The following PDK1 variants were observed in gnomAD, a reference collection of about 807,000 sequenced individuals.
The protein encoded by PDK1 is [Pyruvate dehydrogenase (acetyl-transferring)] kinase isozyme 1, mitochondrial.
Under a neutral mutation model 54.2 loss-of-function variants are expected in PDK1, and 39 were observed. The ratio of observed to expected loss-of-function variants is 0.72; its 90% confidence interval spans 0.56 to 0.94. The LOEUF is 0.94. PDK1 is among the 40% of genes least tolerant of loss of function. PDK1 has a pLI of 0.00. For synonymous variants in PDK1, 221 were observed against 207.1 expected (o/e 1.07, Z -0.58); for missense variants, 552 against 566.0 (o/e 0.98, Z 0.25).
rs1691043489 is a variant in PDK1 at position 172,599,584 on chromosome 2, A to G, written c.*3615A>G. 6.6e-6 allele frequency: 1 copy of G among 152,184 alleles called. No individual in the cohort carries two copies. Among genetic ancestry groups the G allele is most frequent in the South Asian group, 2.1e-4 (1 of 4,826 alleles). The allele number at this position is 152,184 out of a possible 1,614,324, so 9.4% of individuals were successfully genotyped here. A position where few individuals can be genotyped will look rare whatever the true frequency, so the allele number is the denominator to read the frequency against. ...AATTAATTTTCTTACAGTCAAACCC[A>G]ATGCACTTGAAAAATAATATAATTA... On this transcript the variant is annotated 3_prime_UTR_variant, in exon 11 of 11. Transcript: ENST00000282077.
In PDK1 at chr2:172,592,878, GA is replaced by G. The variant is rs889378635; in HGVS notation, c.1057-53del. ...TACTCAATGGCATCTATCTTAATTA[GA>G]AAAGTATTTCAGTGTGTGTCTTTCT... is the stretch of plus-strand genomic sequence containing the variant. On this transcript the variant is annotated intron_variant, in intron 9 of 10. Transcript: ENST00000282077. The G allele has an allele frequency of 1.4e-4, 128 of 929,598 alleles. No homozygotes were observed. The African/African-American group carries it at 1.9e-3, about 14-fold the overall frequency. 57.6% of individuals were successfully genotyped at this position (929,598 alleles called of 1,614,324 possible).
At chr2:172,591,331 C>T (rs748065326) in intron 9 of PDK1, among the ~76,000 whole-genome samples, 5 of 152,152 alleles carry the variant, frequency 3.3e-5, no homozygotes, top group Non-Finnish European at 4.4e-5. Flanking sequence ...TTCCTGTAAA[C>T]GCCGGGCGGC....
chr2:172,639,681 T>C, the PDK1 span, among the ~76,000 whole-genome samples: 1 of 152,194 alleles, frequency 6.6e-6, no homozygotes, highest in South Asian at 2.1e-4. Context: ...TTTTGAGGCT[T>C]GGTCTGCAGT....
rs1648124299 is a variant in PDK1, at chr2:172,556,150, C to A, written c.-1C>A. 2 of 1,413,306 alleles carry A rather than the reference C, an allele frequency of 1.4e-6. No individual in the cohort carries two copies. The allele number at this position is 1,413,306 out of a possible 1,614,324, so 87.5% of individuals were successfully genotyped here. ...CTGTGGCTTCTCTAGCGGGACTCGG[C>A]ATGAGGCTGGCGCGGCTGCTTCGCG... On this transcript the variant is annotated 5_prime_UTR_variant, in exon 1 of 11. Coordinates refer to ENST00000282077, the MANE Select transcript of PDK1 (RefSeq NM_002610.5).
At chr2:172,702,753 T>C in the PDK1 span, among the ~76,000 whole-genome samples, 1 of 152,144 alleles carries the variant, frequency 6.6e-6, no homozygotes, top group Non-Finnish European at 1.5e-5. Flanking sequence ...TTAAAAAAAT[T>C]GTATTCAGCT....
chr2:172,684,947 G>T, the PDK1 span, among the ~76,000 whole-genome samples: 1 of 152,130 alleles, frequency 6.6e-6, no homozygotes, highest in African/African-American at 2.4e-5. Flanking sequence ...GTGATGGGGC[G>T]CTTTCCCTCA....
At chr2:172,721,775 G>T in the PDK1 span, among the ~76,000 whole-genome samples, 1 of 152,200 alleles carries the variant, frequency 6.6e-6, no homozygotes, top group Non-Finnish European at 1.5e-5. Flanking sequence ...CTAGGAAAAG[G>T]CCAGGCAATA....
At chr2:172,646,505 C>A in the PDK1 span, among the ~76,000 whole-genome samples, 5 of 149,892 alleles carry the variant, frequency 3.3e-5, no homozygotes, top group Non-Finnish European at 5.9e-5. Context: ...ACATCGAAGG[C>A]AAAAAAAAAG....
the PDK1 span, among the ~76,000 whole-genome samples, chr2:172,722,546 T>A: frequency 6.6e-6 from 1 of 152,350 alleles, no homozygotes; most frequent in Non-Finnish European, 1.5e-5. Context: ...TTTCATCTGA[T>A]GTATTGACTC....
the PDK1 span, among the ~76,000 whole-genome samples, chr2:172,645,524 G>T: frequency 6.6e-6 from 1 of 152,142 alleles, no homozygotes; most frequent in Non-Finnish European, 1.5e-5. Context: ...CTCCTAAAAT[G>T]CTGGGATTAC....
rs945262937 is a variant in PDK1, at chr2:172,557,658, A to T, written c.197-1050A>T. On this transcript the variant is annotated intron_variant, in intron 1 of 10. Transcript: ENST00000282077. Reference sequence around the variant, plus strand: ...GTGTGTGTGTGTGTATTTTTTTTTAAAAATAGAAATGGGGTCTCACTATGT... The same window carrying T: ...GTGTGTGTGTGTGTATTTTTTTTTATAAATAGAAATGGGGTCTCACTATGT... 3.3e-4 allele frequency among the ~76,000 whole-genome samples: 47 copies of T among 141,346 alleles called. 1 individual carries two copies. Among genetic ancestry groups the T allele is most frequent in the African/African-American group, 8.3e-4 (30 of 36,180 alleles). 92.7% of individuals were successfully genotyped at this position (141,346 alleles called of 152,430 possible).
intron 8 of PDK1, among the ~76,000 whole-genome samples, chr2:172,583,281 G>T (rs954086557): frequency 0.032 from 2,447 of 77,106 alleles, 36 homozygotes; most frequent in Middle Eastern, 0.1. Context: ...AAGTTTTCTG[G>T]TTTTTTTTTT....
chr2:172,632,028 C>G, the PDK1 span, among the ~76,000 whole-genome samples: 1 of 152,064 alleles, frequency 6.6e-6, no homozygotes, highest in African/African-American at 2.4e-5. Flanking sequence ...GTAATCCCAG[C>G]ACTTTGGGAG....
the PDK1 span, chr2:172,677,484 A>C: frequency 1.3e-5 from 2 of 152,224 alleles, no homozygotes; most frequent in Non-Finnish European, 2.9e-5. Flanking sequence ...ATTTTTCCTT[A>C]GAATTTGAAG....
the PDK1 span, among the ~76,000 whole-genome samples, chr2:172,721,111 G>C: frequency 1.3e-5 from 2 of 152,140 alleles, no homozygotes; most frequent in Admixed American, 1.3e-4. Context: ...GATGGCAACC[G>C]GCATCTCTTC....
At chr2:172,564,434 A>T in intron 3 of PDK1, 69 bp from the exon 4 acceptor site, 1 of 1,291,616 alleles carries the variant, frequency 7.7e-7, no homozygotes, top group Non-Finnish European at 1.1e-6. Context: ...ATAGTTGGTT[A>T]AGCTTATATT....
chr2:172,665,153 T>C, the PDK1 span, among the ~76,000 whole-genome samples: 2 of 131,412 alleles, frequency 1.5e-5, no homozygotes, highest in Non-Finnish European at 3.7e-5. Flanking sequence ...TGCCAAAGAA[T>C]GTTTTTTTTT....
chr2:172,621,916 CTA>C, the PDK1 span, among the ~76,000 whole-genome samples: 1,730 of 132,840 alleles, frequency 0.013, 69 homozygotes, highest in African/African-American at 0.05. Flanking sequence ...TTTATATCTC[CTA>C]TATGATATAT....
At chr2:172,623,923 C>G in the PDK1 span, among the ~76,000 whole-genome samples, 1 of 152,122 alleles carries the variant, frequency 6.6e-6, no homozygotes, top group African/African-American at 2.4e-5. Context: ...GATCCTAAAC[C>G]AAAAATTTGA....
Sources: gnomAD v4.1 joint callset for allele counts (sites outside exome capture counted in the v4.1 genomes callset) on GRCh38, gnomAD v4.1.1 for gene constraint, MANE v1.5 for transcripts, NCBI Gene and HGNC (gene_info 2026-07-23, HGNC 2026-07-21) for gene names.